Variants in PLCG1 observed in about 807,000 individuals in gnomAD.
The protein encoded by PLCG1 is 1-phosphatidylinositol 4,5-bisphosphate phosphodiesterase gamma-1.
Under a neutral mutation model 177.8 loss-of-function variants are expected in PLCG1, and 71 were observed. The ratio of observed to expected loss-of-function variants is 0.40; its 90% CI spans 0.33 to 0.49. The LOEUF is 0.49. PLCG1 is among the 20% of genes least tolerant of loss of function. PLCG1 has a pLI of 0.72. For missense variants in PLCG1, 1,281 were observed against 1,709.0 expected, an observed-to-expected ratio of 0.75 and a Z score of 4.42; for synonymous variants, 658 against 647.9, an observed-to-expected ratio of 1.02 and a Z score of -0.24.
At position 41,176,434 on chromosome 20, in the gene PLCG1, A is replaced by G. The variant is rs984915876; in HGVS notation, c.*1925A>G. 7 of 152,308 alleles carry G rather than the reference A, an allele frequency of 4.6e-5. No homozygotes were observed. The highest frequency in any genetic ancestry group is 1.4e-4 in the African/African-American group (6 of 41,576). 9.4% of individuals were successfully genotyped at this position (152,308 alleles called of 1,614,324 possible). A position where few individuals can be genotyped will look rare whatever the true frequency, so the allele number is the denominator to read the frequency against. On this transcript the variant is annotated 3_prime_UTR_variant, in exon 32 of 32. Coordinates refer to ENST00000685551, the MANE Select transcript of PLCG1 (RefSeq NM_002660.3). ...TCTAGGTTTTTATGGCCTGGAGAGA[A>G]AGGTTTCCTATCAGAGAAGGAAGAG...
rs1217778821 is a variant in PLCG1 at position 41,173,919 on chromosome 20, C to T, written c.3557-4C>T. The T allele has an allele frequency of 1.2e-6, 2 of 1,613,672 alleles. No individual in the cohort carries two copies. The highest frequency in any genetic ancestry group is 1.1e-5 in the South Asian group (1 of 91,080). On this transcript the variant is annotated splice_polypyrimidine_tract_variant and splice_region_variant and intron_variant, in intron 29 of 31. Transcript: ENST00000685551. This position sits in a 1 kb window ranked among gnomAD's most constrained non-coding sequence, Gnocchi z 6.2. ...GCTGAGGGCCAGGCTTTTCCTCCTC[C>T]TAGGATACAGAGCAGTGCCTTTGAA...
At chr20:41,158,617 C>G (rs905841954) in intron 1 of PLCG1, among the ~76,000 whole-genome samples, 1 of 152,168 alleles carries the variant, frequency 6.6e-6, no homozygotes, top group Non-Finnish European at 1.5e-5. Flanking sequence ...GACTTTTGAT[C>G]TTACCAACAT....
At chr20:41,169,728 A>G (rs559907798) in intron 23 of PLCG1, 12 of 590,942 alleles carry the variant, frequency 2.0e-5, no homozygotes, top group Admixed American at 3.1e-5. Flanking sequence ...ATGTTTACCT[A>G]TGCCAGGCAC....
rs777952747 is a variant in PLCG1 at position 41,150,927 on chromosome 20, A to T, written c.218-8679A>T. On this transcript the variant is annotated intron_variant, in intron 1 of 31. Transcript: ENST00000685551. The surrounding 1 kb of genome is among the most constrained non-coding windows in gnomAD (Gnocchi z 4.0). ...CTCCATCAGGCAGGGGTTTTCTCAA[A>T]GGCAGGAACTCAAATGCCTTATTGA... is the stretch of plus-strand genomic sequence containing the variant. Among the ~76,000 whole-genome samples the T allele has an allele frequency of 3.3e-5, 5 of 152,176 alleles. No homozygotes were observed. Among genetic ancestry groups the T allele is most frequent in the Admixed American group, 6.5e-5 (1 of 15,284 alleles).
chr20:41,163,160 T>C lies in PLCG1; in HGVS notation c.717-43T>C. ...TTCTGCCTTCCGTGGGGCACCTTGTTGTCTGTTGACCATACTAGCTAGCTT... is the reference window on the plus strand; with the variant it reads ...TTCTGCCTTCCGTGGGGCACCTTGTCGTCTGTTGACCATACTAGCTAGCTT... On this transcript the variant is annotated intron_variant, in intron 7 of 31. Coordinates refer to ENST00000685551, the MANE Select transcript of PLCG1 (RefSeq NM_002660.3). The surrounding 1 kb of genome is among the most constrained non-coding windows in gnomAD (Gnocchi z 5.2). 6.5e-7 allele frequency: 1 copy of C among 1,549,104 alleles called. No homozygotes were observed. Among genetic ancestry groups the C allele is most frequent in the Non-Finnish European group, 8.8e-7 (1 of 1,142,716 alleles).
At position 41,175,940 on chromosome 20, in the gene PLCG1, A is replaced by C. The variant is rs866676428; in HGVS notation, c.*1431A>C. 9.9e-5 allele frequency: 15 copies of C among 152,274 alleles called. No individual in the cohort carries two copies. The highest frequency in any genetic ancestry group is 3.6e-4 in the African/African-American group (15 of 41,456). 9.4% of individuals were successfully genotyped at this position (152,274 alleles called of 1,614,324 possible). A position where few individuals can be genotyped will look rare whatever the true frequency, so the allele number is the denominator to read the frequency against. On this transcript the variant is annotated 3_prime_UTR_variant, in exon 32 of 32. Coordinates refer to ENST00000685551, the MANE Select transcript of PLCG1 (RefSeq NM_002660.3). ...ACCCTCTGAGGGTGTGTCTGAGCAG[A>C]GTACATCCTGCCTGGGTTCTTTGTG...
Position 41,173,772 on chromosome 20 carries a change from T to C in PLCG1, c.3515T>C (p.Phe1172Ser). Residue 1172 changes from phenylalanine to serine, a missense_variant, in exon 29 of 32, where the codon TTC (phenylalanine) becomes TCC (serine). Physicochemically the swap from Phe to Ser is radical, Grantham distance 155. Around this residue, in one of 4 missense-constraint regions of PLCG1, gnomAD observed 153 missense variants for 153.2 expected, o/e 1.00. Coordinates refer to ENST00000685551, the MANE Select transcript of PLCG1 (RefSeq NM_002660.3). The surrounding 1 kb of genome is among the most constrained non-coding windows in gnomAD (Gnocchi z 6.2). ...YEEDMFSDQN[F>S]LAQATFPVKG... Reference sequence around the variant, plus strand: ...GAAGACATGTTTAGTGACCAGAATTTCCTGGCTCAGGCTACTTTCCCAGTA... The same window carrying C: ...GAAGACATGTTTAGTGACCAGAATTCCCTGGCTCAGGCTACTTTCCCAGTA... The C allele has an allele frequency of 6.2e-7, 1 of 1,614,162 alleles. No individual in the cohort carries two copies. The highest frequency in any genetic ancestry group is 8.5e-7 in the Non-Finnish European group (1 of 1,180,020).
rs1216964196 is a variant in PLCG1 at position 41,165,572 on chromosome 20, TG to T, written c.1611+26del. On this transcript the variant is annotated intron_variant, in intron 15 of 31. Coordinates refer to ENST00000685551, the MANE Select transcript of PLCG1 (RefSeq NM_002660.3). This position sits in a 1 kb window ranked among gnomAD's most constrained non-coding sequence, Gnocchi z 6.6. ...AGGAGGTGAGGAACCAGCTCAGGTC[TG>T]GGGGCTGGGCCAGGTCAGGCCTGGG... 1 of 1,612,318 alleles carries T rather than the reference TG, an allele frequency of 6.2e-7. No individual in the cohort carries two copies. Among genetic ancestry groups the T allele is most frequent in the Non-Finnish European group, 8.5e-7 (1 of 1,178,516 alleles).
At position 41,166,726 on chromosome 20, in the gene PLCG1, C is replaced by G; in HGVS notation, c.2168C>G (p.Thr723Arg). Residue 723 changes from threonine to arginine, a missense_variant, in exon 19 of 32, where the codon ACA (threonine) becomes AGA (arginine). By Grantham distance (71) the Thr-to-Arg change is moderately conservative (BLOSUM62 -1). Transcript: ENST00000685551. The surrounding 1 kb of genome is among the most constrained non-coding windows in gnomAD (Gnocchi z 8.6). ...TGCCGTGTCCAGCAAGAGGGCCAGA[C>G]AGTGATGCTAGGGAACTCGGAGTTC... ...KHCRVQQEGQ[T>R]VMLGNSEFDS... 1.2e-6 allele frequency: 2 copies of G among 1,614,136 alleles called. No homozygotes were observed. Among genetic ancestry groups the G allele is most frequent in the Non-Finnish European group, 1.7e-6 (2 of 1,180,022 alleles).
In PLCG1 at chr20:41,156,315, C is replaced by T. The variant is rs2035319692; in HGVS notation, c.218-3291C>T. ...ATTCCTGAAGCCCAGGCAGCATTCA[C>T]TGTGGGCTTGGGGACATGGTGCCAT... On this transcript the variant is annotated intron_variant, in intron 1 of 31. Coordinates refer to ENST00000685551, the MANE Select transcript of PLCG1 (RefSeq NM_002660.3). This position sits in a 1 kb window ranked among gnomAD's most constrained non-coding sequence, Gnocchi z 5.0. 6.6e-6 allele frequency among the ~76,000 whole-genome samples: 1 copy of T among 152,174 alleles called. No individual in the cohort carries two copies. Among genetic ancestry groups the T allele is most frequent in the African/African-American group, 2.4e-5 (1 of 41,438 alleles).
At chr20:41,168,718 G>A (rs776059814) in intron 20 of PLCG1, 49 bp from the exon 21 acceptor site, 1 of 1,188,704 alleles carries the variant, frequency 8.4e-7, no homozygotes, top group Admixed American at 1.9e-5. Flanking sequence ...CAGGTTGGCA[G>A]TGGCAGGGAG....
rs1423158933 is a variant in PLCG1, at chr20:41,170,287, C to A, written c.2808+18C>A. On this transcript the variant is annotated intron_variant, in intron 24 of 31. Coordinates refer to ENST00000685551, the MANE Select transcript of PLCG1 (RefSeq NM_002660.3). The stretch of plus-strand genomic sequence containing the variant: ...ACGCCAGGGTGAGATTCTGCTGGAA[C>A]CTTCTGGGGGGCAGTGTGTGGGCCC... The A allele has an allele frequency of 1.2e-6, 2 of 1,613,806 alleles. No homozygotes were observed. The highest frequency in any genetic ancestry group is 2.2e-5 in the South Asian group (2 of 91,070).
chr20:41,168,311 T>G (rs1393313156), intron 20 of PLCG1, among the ~76,000 whole-genome samples: 1 of 152,216 alleles, frequency 6.6e-6, no homozygotes, highest in Non-Finnish European at 1.5e-5. Context: ...GCCCTATTTC[T>G]CACCCCCTCC....
chr20:41,144,349 G>GT lies in PLCG1; in HGVS notation c.217+6495dup. ...TAGGAACAGAGGGTTATTTTGTTTT[G>GT]TTTTGTTTTTCTTCCCTCTGGCCAC... On this transcript the variant is annotated intron_variant, in intron 1 of 31. Transcript: ENST00000685551. The surrounding 1 kb of genome is among the most constrained non-coding windows in gnomAD (Gnocchi z 4.1). Among the ~76,000 whole-genome samples, 1 of 152,320 alleles carries GT rather than the reference G, an allele frequency of 6.6e-6. No individual in the cohort carries two copies. The highest frequency in any genetic ancestry group is 1.9e-4 in the East Asian group (1 of 5,186).
In PLCG1 at chr20:41,168,842, C is replaced by A; in HGVS notation, c.2455C>A (p.Gln819Lys). ...GACCTTCATCAAGAGCGCCATCATC[C>A]AGAATGTGGAGAAGCAAGAGGGAGG... is the stretch of plus-strand genomic sequence containing the variant. ...ELTFIKSAII[Q>K]NVEKQEGGWW... Residue 819 changes from glutamine (Q) to lysine (K), a missense_variant, in exon 21 of 32, where the codon CAG becomes AAG. Transcript: ENST00000685551. The A allele has an allele frequency of 6.2e-7, 1 of 1,611,810 alleles. No individual in the cohort carries two copies. Among genetic ancestry groups the A allele is most frequent in the Non-Finnish European group, 8.5e-7 (1 of 1,178,890 alleles).
intron 1 of PLCG1, among the ~76,000 whole-genome samples, chr20:41,141,370 T>G (rs2034819565): frequency 6.6e-6 from 1 of 152,250 alleles, no homozygotes; most frequent in African/African-American, 2.4e-5. Context: ...GCAGTACCTT[T>G]GATGAAGAGG....
chr20:41,168,965 C>T lies in PLCG1; in HGVS notation c.2483+95C>T, dbSNP rs1419718807. On this transcript the variant is annotated intron_variant, in intron 21 of 31. Coordinates refer to ENST00000685551, the MANE Select transcript of PLCG1 (RefSeq NM_002660.3). ...TTGTGATGTGCTTGTCTCCTGTGTG[C>T]ACCAGCAGTGCCTGCCTCACCCTGG... The T allele has an allele frequency of 3.5e-6, 4 of 1,137,136 alleles. No homozygotes were observed. In the African/African-American group the frequency reaches 4.6e-5, roughly 13 times the overall value. The allele number at this position is 1,137,136 out of a possible 1,614,324, so 70.4% of individuals were successfully genotyped here.
At chr20:41,169,266 A>T in intron 22 of PLCG1, 91 bp downstream of exon 22, 1 of 1,025,480 alleles carries the variant, frequency 9.8e-7, no homozygotes, top group Non-Finnish European at 1.5e-6. Flanking sequence ...ACGCACGTGC[A>T]TGCACAGACA....
At chr20:41,155,285 AAGGCT>A (rs2035285009) in intron 1 of PLCG1, among the ~76,000 whole-genome samples, 1 of 152,222 alleles carries the variant, frequency 6.6e-6, no homozygotes, top group Non-Finnish European at 1.5e-5. Flanking sequence ...AGGGCAGGCC[AAGGCT>A]GACCGTCCTA....
Sources: gnomAD v4.1 joint callset for allele counts (sites outside exome capture counted in the v4.1 genomes callset) on GRCh38, gnomAD v4.1.1 for gene constraint, gnomAD v4.1.1 regional missense constraint, Gnocchi (gnomAD v3.1) non-coding constraint, MANE v1.5 for transcripts, NCBI Gene and HGNC (gene_info 2026-07-23, HGNC 2026-07-21) for gene names.